Variants in SUSD1 observed in about 807,000 individuals in gnomAD.
SUSD1 encodes the protein sushi domain containing 1.
A neutral mutation model predicts 86.9 loss-of-function variants in SUSD1; 65 were observed. The observed-to-expected ratio is 0.75, with a 90% CI of 0.61 to 0.92. The LOEUF is 0.92. SUSD1 is among the 40% of genes least tolerant of loss of function. SUSD1 has a pLI of 0.00. For synonymous variants in SUSD1, 346 were observed against 350.0 expected (o/e 0.99, Z 0.13); for missense variants, 850 against 929.7 (o/e 0.91, Z 1.11).
intron 14 of SUSD1, among the ~76,000 whole-genome samples, chr9:112,052,779 A>T (rs1828275808): frequency 6.6e-6 from 1 of 152,198 alleles, no homozygotes; most frequent in African/African-American, 2.4e-5. Context: ...AATTATGCTG[A>T]AAAGGATTCT....
rs1405567671 is a variant in SUSD1 at position 112,041,209 on chromosome 9, C to A, written c.*283G>T. The A allele has an allele frequency of 5.2e-6, 3 of 573,892 alleles. No homozygotes were observed. Among genetic ancestry groups the A allele is most frequent in the Non-Finnish European group, 9.3e-6 (3 of 321,334 alleles). 35.5% of individuals were successfully genotyped at this position (573,892 alleles called of 1,614,324 possible). A position where few individuals can be genotyped will look rare whatever the true frequency, so the allele number is the denominator to read the frequency against. On this transcript the variant is annotated 3_prime_UTR_variant, in exon 17 of 17. Coordinates refer to ENST00000374270, the MANE Select transcript of SUSD1 (RefSeq NM_022486.5). ...GATTCACAGATCTGTATGTAGCCTT[C>A]GGTCAATATCACAGTGTACATCAGG...
chr9:112,047,408 C>CT (rs1398625045), intron 15 of SUSD1, among the ~76,000 whole-genome samples: 1 of 152,116 alleles, frequency 6.6e-6, no homozygotes, highest in Non-Finnish European at 1.5e-5. Context: ...GTATTAGGGC[C>CT]TTACGAGGCT....
intron 5 of SUSD1, among the ~76,000 whole-genome samples, chr9:112,136,462 G>A (rs1832269969): frequency 6.6e-6 from 1 of 152,140 alleles, no homozygotes. Flanking sequence ...TTGAACTCCT[G>A]GCCTCAAGCA....
intron 5 of SUSD1, among the ~76,000 whole-genome samples, chr9:112,136,441 C>G (rs1206871421): frequency 6.6e-6 from 1 of 152,152 alleles, no homozygotes; most frequent in African/African-American, 2.4e-5. Flanking sequence ...ACTATGTTTT[C>G]CGGGCTGGTC....
intron 5 of SUSD1, among the ~76,000 whole-genome samples, chr9:112,140,991 TA>T (rs1009487369): frequency 1.3e-5 from 2 of 152,076 alleles, no homozygotes; most frequent in East Asian, 1.9e-4. Context: ...GAATAAAAGA[TA>T]AAAAAATGAT....
intron 15 of SUSD1, among the ~76,000 whole-genome samples, chr9:112,051,419 T>C (rs1449325804): frequency 8.2e-6 from 1 of 121,974 alleles, no homozygotes; most frequent in African/African-American, 3.3e-5. Flanking sequence ...TTTTTTTTTT[T>C]TTTTTTTTTT....
intron 1 of SUSD1, among the ~76,000 whole-genome samples, chr9:112,169,113 CA>C (rs113283670): frequency 8.1e-5 from 12 of 147,974 alleles, no homozygotes; most frequent in South Asian, 4.3e-4. Context: ...ACATCCCTGA[CA>C]AAAAAAAAAT....
chr9:112,084,264 A>G (rs1269442694), intron 10 of SUSD1, among the ~76,000 whole-genome samples: 1 of 152,228 alleles, frequency 6.6e-6, no homozygotes, highest in Non-Finnish European at 1.5e-5. Flanking sequence ...TCTATAGATA[A>G]TAAGTTAATA....
intron 1 of SUSD1, among the ~76,000 whole-genome samples, chr9:112,165,976 A>AGAAAGAAAGAAG: frequency 6.6e-6 from 1 of 151,760 alleles, no homozygotes; most frequent in Non-Finnish European, 1.5e-5. Context: ...AAAGAAAGAA[A>AGAAAGAAAGAAG]GAAAGAAAGA....
intron 15 of SUSD1, among the ~76,000 whole-genome samples, chr9:112,051,431 T>TTTTTTTTTTTTTTTG (rs1828201117): frequency 1.8e-5 from 2 of 109,762 alleles, no homozygotes; most frequent in Non-Finnish European, 3.8e-5. Context: ...TTTTTTTTTT[T>TTTTTTTTTTTTTTTG]TTGTTGTTGT....
Position 112,102,177 on chromosome 9 carries a change from T to C in SUSD1, c.1280A>G (p.Gln427Arg). The C allele has an allele frequency of 6.4e-7, 1 of 1,550,506 alleles. No homozygotes were observed. The highest frequency in any genetic ancestry group is 1.7e-4 in the Middle Eastern group (1 of 5,884). ...GGAAAGCATAAGAGATCTCCTTACT[T>C]GGTACATGTGTTCTGATCCAACTTT... is the stretch of plus-strand genomic sequence containing the variant. ...SRKVGSEHMY[Q>R]FTVLGQRWYL... The change falls in exon 9 of 17, where the codon CAA (glutamine) becomes CGA (arginine). Residue 427 changes from glutamine to arginine, a missense_variant and splice_region_variant. By Grantham distance (43) the Gln-to-Arg change is conservative. Coordinates refer to ENST00000374270, the MANE Select transcript of SUSD1 (RefSeq NM_022486.5).
At chr9:112,151,745 T>C (rs1350414432) in intron 2 of SUSD1, among the ~76,000 whole-genome samples, 1 of 149,668 alleles carries the variant, frequency 6.7e-6, no homozygotes, top group Non-Finnish European at 1.5e-5. Context: ...CTACTAAAAA[T>C]ACAAAAATTA....
At position 112,138,266 on chromosome 9, in the gene SUSD1, C is replaced by CATAT. The variant is rs144187888; in HGVS notation, c.706+4050_706+4053dup. Among the ~76,000 whole-genome samples the CATAT allele has an allele frequency of 2.3e-3, 142 of 62,858 alleles. 2 individuals are homozygous for CATAT. Among genetic ancestry groups the CATAT allele is most frequent in the African/African-American group, 0.01 (138 of 13,642 alleles). The allele number at this position is 62,858 out of a possible 152,430, so 41.2% of individuals were successfully genotyped here. A position where few individuals can be genotyped will look rare whatever the true frequency, so the allele number is the denominator to read the frequency against. ...ATATATATATATATATGTGTATATA[C>CATAT]ATATATATATATATGAAGTCCAGGA... On this transcript the variant is annotated intron_variant, in intron 5 of 16. Coordinates refer to ENST00000374270, the MANE Select transcript of SUSD1 (RefSeq NM_022486.5).
At chr9:112,112,581 AG>A (rs1357851647) in intron 7 of SUSD1, among the ~76,000 whole-genome samples, 189 bp downstream of exon 7, 9 of 152,108 alleles carry the variant, frequency 5.9e-5, no homozygotes, top group African/African-American at 2.2e-4. Context: ...GGTTGCAGTG[AG>A]CCAAGATCCC....
intron 9 of SUSD1, among the ~76,000 whole-genome samples, chr9:112,101,822 G>A (rs1830648078): frequency 6.6e-6 from 1 of 151,852 alleles, no homozygotes; most frequent in Non-Finnish European, 1.5e-5. Context: ...CTCCAGCCTG[G>A]GCAACAAGAG....
intron 1 of SUSD1, among the ~76,000 whole-genome samples, chr9:112,168,821 C>A (rs1293815374): frequency 6.6e-6 from 1 of 152,144 alleles, no homozygotes; most frequent in African/African-American, 2.4e-5. Flanking sequence ...CAAAAAAGCA[C>A]AAATGCAGTG....
At chr9:112,101,658 C>A (rs1489500262) in intron 9 of SUSD1, among the ~76,000 whole-genome samples, 5 of 151,602 alleles carry the variant, frequency 3.3e-5, no homozygotes, top group Non-Finnish European at 5.9e-5. Flanking sequence ...CCAGCCTGAC[C>A]AACATGGAGA....
At chr9:112,098,935 T>C (rs1006948414) in intron 9 of SUSD1, among the ~76,000 whole-genome samples, 7 of 152,128 alleles carry the variant, frequency 4.6e-5, no homozygotes, top group Non-Finnish European at 8.8e-5. Flanking sequence ...AATCCCTTGA[T>C]TATAACGCAA....
At chr9:112,156,854 G>C (rs995755515) in intron 2 of SUSD1, among the ~76,000 whole-genome samples, 1 of 152,162 alleles carries the variant, frequency 6.6e-6, no homozygotes, top group Non-Finnish European at 1.5e-5. Context: ...GAAGATTATT[G>C]CAACATTTAC....
Sources: gnomAD v4.1 joint callset for allele counts (sites outside exome capture counted in the v4.1 genomes callset) on GRCh38, gnomAD v4.1.1 for gene constraint, MANE v1.5 for transcripts, NCBI Gene and HGNC (gene_info 2026-07-23, HGNC 2026-07-21) for gene names.